SOS1: variants seen among roughly 807,000 people sequenced by gnomAD.
SOS1 encodes the protein SOS Ras/Rac guanine nucleotide exchange factor 1, also known as son of sevenless homolog 1.
A neutral mutation model predicts 157.6 loss-of-function variants in SOS1; 25 were observed. That is an observed-to-expected ratio of 0.16 (90% CI 0.12 to 0.22). The LOEUF (loss-of-function observed/expected upper bound fraction) is 0.22, where lower values mean the gene tolerates loss of function less well. Ranked by LOEUF, SOS1 falls within the 10% of genes least tolerant of loss-of-function variation. SOS1 has a pLI of 1.00. For missense variants in SOS1, 1,237 were observed against 1,599.1 expected, an observed-to-expected ratio of 0.77 and a Z score of 3.86; for synonymous variants, 528 against 534.0, an observed-to-expected ratio of 0.99 and a Z score of 0.16.
intron 1 of SOS1, among the ~76,000 whole-genome samples, chr2:39,117,860 C>A (rs941608635): frequency 6.6e-6 from 1 of 152,178 alleles, no homozygotes; most frequent in African/African-American, 2.4e-5. Flanking sequence ...ATGACCCCAA[C>A]ATTTTAAACC....
chr2:39,107,809 C>T (rs911365304), intron 1 of SOS1, among the ~76,000 whole-genome samples: 1 of 152,128 alleles, frequency 6.6e-6, no homozygotes, highest in African/African-American at 2.4e-5. Context: ...ATTCACTCTA[C>T]TCAGGGGATG....
chr2:38,988,690 A>AAAAT (rs1239714354), intron 21 of SOS1, among the ~76,000 whole-genome samples: 6 of 152,298 alleles, frequency 3.9e-5, no homozygotes, highest in African/African-American at 1.2e-4. Context: ...ATGAAAGGAC[A>AAAAT]GCAAAAAAAT....
At position 39,035,446 on chromosome 2, in the gene SOS1, A is replaced by C; in HGVS notation, c.919T>G (p.Phe307Val). 1 of 1,614,050 alleles carries C rather than the reference A, an allele frequency of 6.2e-7. No homozygotes were observed. The change falls in exon 7 of 23, where the codon TTT becomes GTT. Residue 307 changes from phenylalanine to valine, a missense_variant. Physicochemically the swap from Phe to Val is conservative, Grantham distance 50 (BLOSUM62 -1). Coordinates refer to ENST00000402219, the MANE Select transcript of SOS1 (RefSeq NM_005633.4). The part of the protein sequence containing the change: ...SYARDILRPG[F>V]HDRFLSQLSK... ...AACTGACTAAGGAAACGATCATGAA[A>C]ACCAGGTCGCAAAATATCTCGAGCA...
intron 6 of SOS1, among the ~76,000 whole-genome samples, chr2:39,045,445 T>C (rs1344855432): frequency 6.6e-6 from 1 of 152,158 alleles, no homozygotes; most frequent in Non-Finnish European, 1.5e-5. Context: ...ACTTCTTATA[T>C]TTTGAGGCTT....
chr2:39,061,402 G>T (rs115891809), intron 2 of SOS1, among the ~76,000 whole-genome samples: 2 of 151,638 alleles, frequency 1.3e-5, no homozygotes, highest in African/African-American at 2.4e-5. Flanking sequence ...ATTTATTTTG[G>T]GGGGGAACAG....
Position 38,986,061 on chromosome 2 carries a change from G to A in SOS1, c.3765C>T (p.Pro1255=), listed in dbSNP as rs1469791921. ...GNAFFPNSPS[P]FTPPPPQTPS... ...GTGTTTGAGGAGGAGGTGGTGTAAA[G>A]GGGGAAGGGCTGTTTGGGAAGAAGG... is the stretch of plus-strand genomic sequence containing the variant. The change falls in exon 23 of 23, where the codon CCC becomes CCT. Residue 1255 remains proline (P), a synonymous_variant. Transcript: ENST00000402219. The A allele has an allele frequency of 6.2e-7, 1 of 1,613,936 alleles. No homozygotes were observed. Among genetic ancestry groups the A allele is most frequent in the African/African-American group, 1.3e-5 (1 of 75,020 alleles).
intron 1 of SOS1, among the ~76,000 whole-genome samples, chr2:39,105,268 AT>A (rs1015300891): frequency 1.8e-4 from 27 of 150,874 alleles, no homozygotes; most frequent in African/African-American, 6.3e-4. Context: ...CTTGTTTTTC[AT>A]TTTTTTTTAA....
chr2:39,008,337 T>G (rs1669345631), intron 15 of SOS1, among the ~76,000 whole-genome samples: 1 of 152,178 alleles, frequency 6.6e-6, no homozygotes, highest in Non-Finnish European at 1.5e-5. Context: ...AACCAAGCAC[T>G]TAGCTCCTAG....
intron 1 of SOS1, among the ~76,000 whole-genome samples, chr2:39,106,608 AAAAAACAAAAC>A (rs1349475704): frequency 6.7e-6 from 1 of 149,612 alleles, no homozygotes; most frequent in Admixed American, 6.6e-5. Context: ...AAAACAAAAA[AAAAAACAAAAC>A]ATCTGAGTAA....
rs1553370230 is a variant in SOS1, at chr2:39,102,554, AAG to A, written c.87+17780_87+17781del. ...TCAAAAAAAAAAAAAAAAAAAAAAA[AAG>A]AAGAATTCCGCTTCGTTTTAAAAGG... On this transcript the variant is annotated intron_variant, in intron 1 of 22. Coordinates refer to ENST00000402219, the MANE Select transcript of SOS1 (RefSeq NM_005633.4). Among the ~76,000 whole-genome samples the A allele has an allele frequency of 2.4e-3, 356 of 148,994 alleles. 2 individuals carry two copies. The highest frequency in any genetic ancestry group is 7.6e-3 in the African/African-American group (306 of 40,056).
intron 1 of SOS1, among the ~76,000 whole-genome samples, chr2:39,113,199 A>C (rs551921363): frequency 4.1e-4 from 63 of 152,060 alleles, no homozygotes; most frequent in African/African-American, 1.4e-3. Context: ...TTTATTCATT[A>C]ATGTATTTAG....
chr2:39,092,556 A>T (rs1672632695), intron 1 of SOS1, among the ~76,000 whole-genome samples: 3 of 152,286 alleles, frequency 2.0e-5, no homozygotes, highest in Admixed American at 1.3e-4. Flanking sequence ...AAACTACAGT[A>T]TTTCTTTGTC....
In SOS1 at chr2:39,120,774, C is replaced by T. The variant is rs933542277; in HGVS notation, c.-352G>A. Among the ~76,000 whole-genome samples the T allele has an allele frequency of 2.7e-5, 4 of 148,900 alleles. No individual in the cohort carries two copies. Among genetic ancestry groups the T allele is most frequent in the Admixed American group, 1.3e-4 (2 of 14,998 alleles). On this transcript the variant is annotated 5_prime_UTR_variant, in exon 1 of 23. Coordinates refer to ENST00000402219, the MANE Select transcript of SOS1 (RefSeq NM_005633.4). ...CGCCCGCCCGCCGGGGCTGCACTCC[C>T]GGGCCCGGTCTGGCCCCGCGGCGGA...
At chr2:39,044,864 G>GCGCGCGCGCACA (rs147443441) in intron 6 of SOS1, among the ~76,000 whole-genome samples, 5 of 147,660 alleles carry the variant, frequency 3.4e-5, no homozygotes, top group East Asian at 4.1e-4. Context: ...GCGCGCGCGC[G>GCGCGCGCGCACA]CACACACACA....
chr2:39,002,273 C>T (rs903085352), intron 17 of SOS1, among the ~76,000 whole-genome samples: 2 of 151,706 alleles, frequency 1.3e-5, no homozygotes, highest in African/African-American at 2.4e-5. Context: ...TGCAGTGAGC[C>T]GAGATCGTGC....
intron 15 of SOS1, among the ~76,000 whole-genome samples, chr2:39,008,005 G>A (rs1669335484): frequency 6.6e-6 from 1 of 152,138 alleles, no homozygotes; most frequent in Admixed American, 6.5e-5. Flanking sequence ...CAGTGAGGGT[G>A]AACTGAGCAT....
At chr2:39,053,460 C>G (rs139569853) in intron 5 of SOS1, among the ~76,000 whole-genome samples, 2 of 152,186 alleles carry the variant, frequency 1.3e-5, no homozygotes, top group East Asian at 3.9e-4. Flanking sequence ...TTAAAGCAAC[C>G]TTATTGAAAC....
At chr2:39,010,480 T>G in intron 15 of SOS1, 104 bp downstream of exon 15, 2 of 1,068,996 alleles carry the variant, frequency 1.9e-6, no homozygotes, top group Non-Finnish European at 2.9e-6. Context: ...CCAGCCTATG[T>G]GACAGAGCAA....
intron 1 of SOS1, among the ~76,000 whole-genome samples, chr2:39,110,434 T>A (rs1673381218): frequency 6.6e-6 from 1 of 150,680 alleles, no homozygotes; most frequent in African/African-American, 2.5e-5. Context: ...TACACACGAA[T>A]CATGTAATTT....
Sources: allele counts gnomAD v4.1 joint callset (sites outside exome capture counted in the v4.1 genomes callset), GRCh38; gene constraint gnomAD v4.1.1; transcripts MANE v1.5; gene names NCBI Gene and HGNC (gene_info 2026-07-23, HGNC 2026-07-21).